The following TEX13D variants were observed in gnomAD, a reference collection of about 807,000 sequenced individuals.
TEX13D encodes testis-expressed protein 13D.
For synonymous variants in TEX13D, 115 were observed against 104.5 expected (o/e 1.10, Z -0.61); for missense variants, 261 against 265.8 (o/e 0.98, Z 0.12).
rs2075357047 is a variant in TEX13D, at chrX:124,334,026, G to C, written c.1109G>C (p.Arg370Thr). 1.1e-6 allele frequency: 1 copy of C among 933,812 alleles called. No individual in the cohort carries two copies. The highest frequency in any genetic ancestry group is 1.3e-6 in the Non-Finnish European group (1 of 754,718). The allele number at this position is 933,812 out of a possible 1,213,427, so 77.0% of individuals were successfully genotyped here. Residue 370 changes from arginine (R) to threonine (T), a missense_variant, in exon 1 of 1, where the codon AGA becomes ACA. Arg to Thr is a moderately conservative substitution (Grantham distance 71). Coordinates refer to ENST00000632372, the MANE Select transcript of TEX13D (RefSeq NM_001355534.2). ...QGMDPLGNRE[R>T]QNQKEGPKRA... ...ATGGATCCCCTGGGGAACAGAGAGA[G>C]ACAAAATCAGAAAGAAGGTCCAAAG...
In TEX13D at chrX:124,334,986, A is replaced by G. The variant is rs1253128201; in HGVS notation, c.2069A>G (p.Asn690Ser). 1.2e-5 allele frequency: 11 copies of G among 938,535 alleles called. No individual in the cohort carries two copies. Among genetic ancestry groups the G allele is most frequent in the Non-Finnish European group, 1.3e-5 (10 of 756,337 alleles). The allele number at this position is 938,535 out of a possible 1,213,427, so 77.3% of individuals were successfully genotyped here. ...AAATGCCCATGGTGTAAAGCCATTA[A>G]TTTTTCATGGCGTACGGCCTGCTAT... ...NWKCPWCKAI[N>S]FSWRTACYKC... Residue 690 changes from asparagine to serine, a missense_variant, in exon 1 of 1, where the codon AAT becomes AGT. By Grantham distance (46) the Asn-to-Ser change is conservative. Transcript: ENST00000632372.
Position 124,332,871 on chromosome X carries a change from T to C in TEX13D, c.-47T>C, listed in dbSNP as rs904094371. ...CGGTACCGGAAGTGGCGGCAGCAGC[T>C]GAGGCGACGCACCGTGAGGCAGCTG... On this transcript the variant is annotated 5_prime_UTR_variant, in exon 1 of 1. Transcript: ENST00000632372. 3 of 343,800 alleles carry C rather than the reference T, an allele frequency of 8.7e-6. No individual in the cohort carries two copies. Among genetic ancestry groups the C allele is most frequent in the South Asian group, 7.6e-5 (1 of 13,221 alleles). 28.3% of individuals were successfully genotyped at this position (343,800 alleles called of 1,213,427 possible).
rs1395359505 is a variant in TEX13D at position 124,333,633 on chromosome X, C to G, written c.716C>G (p.Ser239Cys). 3 of 295,980 alleles carry G rather than the reference C, an allele frequency of 1.0e-5. No individual in the cohort carries two copies. The highest frequency in any genetic ancestry group is 1.8e-5 in the Non-Finnish European group (3 of 170,413). 24.4% of individuals were successfully genotyped at this position (295,980 alleles called of 1,213,427 possible). A position where few individuals can be genotyped will look rare whatever the true frequency, so the allele number is the denominator to read the frequency against. The part of the protein sequence containing the change: ...HPPPFPMKFP[S>C]LPPLPPAVVT... Reference sequence around the variant, plus strand: ...CCACCATTCCCAATGAAATTCCCATCCTTGCCACCTCTACCACCTGCTGTA... The same window carrying G: ...CCACCATTCCCAATGAAATTCCCATGCTTGCCACCTCTACCACCTGCTGTA... Residue 239 changes from serine (S) to cysteine (C), a missense_variant, in exon 1 of 1, where the codon TCC becomes TGC. Transcript: ENST00000632372.
Position 124,335,191 on chromosome X carries a change from T to G in TEX13D, c.*129T>G. 1 of 469,782 alleles carries G rather than the reference T, an allele frequency of 2.1e-6. No individual in the cohort carries two copies. The highest frequency in any genetic ancestry group is 1.3e-4 in the South Asian group (1 of 7,474). The allele number at this position is 469,782 out of a possible 1,213,427, so 38.7% of individuals were successfully genotyped here. On this transcript the variant is annotated 3_prime_UTR_variant, in exon 1 of 1. Coordinates refer to ENST00000632372, the MANE Select transcript of TEX13D (RefSeq NM_001355534.2). ...ACCCCAAATTATGGAGAAAATTAAATAAAATAATTTATTATCCCATTACCC... is the reference window on the plus strand; with the variant it reads ...ACCCCAAATTATGGAGAAAATTAAAGAAAATAATTTATTATCCCATTACCC...
In TEX13D at chrX:124,332,756, G is replaced by GAAGGAGGCC. The variant is rs2059963702; in HGVS notation, c.-154_-146dup. ...TTGTGAGAACCAGGGAGTGAGGGAG[G>GAAGGAGGCC]AAGGAGGCCAAGGAGGAGGCCAGGA... On this transcript the variant is annotated 5_prime_UTR_variant, in exon 1 of 1. Transcript: ENST00000632372. 1 of 291,365 alleles carries GAAGGAGGCC rather than the reference G, an allele frequency of 3.4e-6. No homozygotes were observed. The highest frequency in any genetic ancestry group is 4.9e-5 in the East Asian group (1 of 20,385). The allele number at this position is 291,365 out of a possible 1,213,427, so 24.0% of individuals were successfully genotyped here.
Position 124,336,681 on chromosome X carries a change from A to T in TEX13D, c.*1619A>T, listed in dbSNP as rs1018918769. 21 of 111,736 alleles carry T rather than the reference A, an allele frequency of 1.9e-4. No homozygotes were observed. The highest frequency in any genetic ancestry group is 1.9e-5 in the Non-Finnish European group (1 of 53,103). 9.2% of individuals were successfully genotyped at this position (111,736 alleles called of 1,213,427 possible). On this transcript the variant is annotated 3_prime_UTR_variant, in exon 1 of 1. Coordinates refer to ENST00000632372, the MANE Select transcript of TEX13D (RefSeq NM_001355534.2). The stretch of plus-strand genomic sequence containing the variant: ...TGGCGTGTTCTCTGCAGGCTCCCCC[A>T]AGGCAGCTGCTGCAAGGCAAGGAGG...
rs1270632526 is a variant in TEX13D, at chrX:124,332,692, G to C, written c.-226G>C. On this transcript the variant is annotated 5_prime_UTR_variant, in exon 1 of 1. Coordinates refer to ENST00000632372, the MANE Select transcript of TEX13D (RefSeq NM_001355534.2). ...CTCTGTGACATGTCGCGGAGTCGCC[G>C]GTAGGGTTCGGTGTGGCGAGGGGGA... 4 of 255,669 alleles carry C rather than the reference G, an allele frequency of 1.6e-5. No homozygotes were observed. Among genetic ancestry groups the C allele is most frequent in the Non-Finnish European group, 2.8e-5 (4 of 144,733 alleles). 21.1% of individuals were successfully genotyped at this position (255,669 alleles called of 1,213,427 possible).
At position 124,333,034 on chromosome X, in the gene TEX13D, C is replaced by T. The variant is rs2059964749; in HGVS notation, c.117C>T (p.Arg39=). 8.2e-6 allele frequency: 4 copies of T among 487,864 alleles called. No homozygotes were observed. In the South Asian group the frequency reaches 8.4e-5, roughly 10 times the overall value. The allele number at this position is 487,864 out of a possible 1,213,427, so 40.2% of individuals were successfully genotyped here. ...GCCCAGCCTTTTACGTGGCCTTCCG[C>T]TCGCGGCCGTGGAACGAGGTAGAGG... The part of the protein sequence containing the change: ...GSGPAFYVAF[R]SRPWNEVEDS... The change falls in exon 1 of 1, where the codon CGC becomes CGT. Residue 39 remains arginine (R), a synonymous_variant. Coordinates refer to ENST00000632372, the MANE Select transcript of TEX13D (RefSeq NM_001355534.2).
rs1603235398 is a variant in TEX13D, at chrX:124,332,931, T to C, written c.14T>C (p.Phe5Ser). ...GCCACAGCCGCCATGGCGATGAATT[T>C]TGGGGACCATGCCAGCGGCTTCCGC... MAMN[F>S]GDHASGFRHN... Residue 5 changes from phenylalanine (F) to serine (S), a missense_variant, in exon 1 of 1, where the codon TTT becomes TCT. Phe to Ser is a radical substitution (Grantham distance 155). Transcript: ENST00000632372. 2.8e-6 allele frequency: 1 copy of C among 353,073 alleles called. No individual in the cohort carries two copies. The allele number at this position is 353,073 out of a possible 1,213,427, so 29.1% of individuals were successfully genotyped here. A position where few individuals can be genotyped will look rare whatever the true frequency, so the allele number is the denominator to read the frequency against.
At position 124,335,964 on chromosome X, in the gene TEX13D, C is replaced by T. The variant is rs1453166887; in HGVS notation, c.*902C>T. The T allele has an allele frequency of 2.7e-5, 3 of 111,923 alleles. No homozygotes were observed. Among genetic ancestry groups the T allele is most frequent in the East Asian group, 2.8e-4 (1 of 3,594 alleles). 9.2% of individuals were successfully genotyped at this position (111,923 alleles called of 1,213,427 possible). A position where few individuals can be genotyped will look rare whatever the true frequency, so the allele number is the denominator to read the frequency against. ...AGATGGTAGCAACTTTGATGAATTT[C>T]GTTTAGTTTGTTAAATAGTTATTGT... On this transcript the variant is annotated 3_prime_UTR_variant, in exon 1 of 1. Transcript: ENST00000632372.
chrX:124,335,333 T>C lies in TEX13D; in HGVS notation c.*271T>C, dbSNP rs1247098111. ...ATGGACTACTTTTGATTTCTCCTGA[T>C]TGCATTTAAATTTTGCAGGTGGTGG... On this transcript the variant is annotated 3_prime_UTR_variant, in exon 1 of 1. Transcript: ENST00000632372. The C allele has an allele frequency of 3.6e-5, 6 of 166,624 alleles. No homozygotes were observed. The highest frequency in any genetic ancestry group is 5.6e-5 in the Non-Finnish European group (5 of 89,500). The allele number at this position is 166,624 out of a possible 1,213,427, so 13.7% of individuals were successfully genotyped here. A position where few individuals can be genotyped will look rare whatever the true frequency, so the allele number is the denominator to read the frequency against.
chrX:124,332,992 C>A lies in TEX13D; in HGVS notation c.75C>A (p.Val25=), dbSNP rs1484174573. The A allele has an allele frequency of 2.2e-6, 1 of 463,895 alleles. No individual in the cohort carries two copies. Among genetic ancestry groups the A allele is most frequent in the South Asian group, 3.1e-5 (1 of 31,817 alleles). 38.2% of individuals were successfully genotyped at this position (463,895 alleles called of 1,213,427 possible). ...TGATCAGGTTCATTAACAATGAAGT[C>A]CTCATGGACGGCAGCGGCCCAGCCT... ...NDVIRFINNE[V]LMDGSGPAFY... Residue 25 remains valine, a synonymous_variant, in exon 1 of 1, where the codon GTC becomes GTA. Transcript: ENST00000632372.
Position 124,332,863 on chromosome X carries a change from G to A in TEX13D, c.-55G>A. On this transcript the variant is annotated 5_prime_UTR_variant, in exon 1 of 1. Coordinates refer to ENST00000632372, the MANE Select transcript of TEX13D (RefSeq NM_001355534.2). ...GCAGCAGCCGGTACCGGAAGTGGCG[G>A]CAGCAGCTGAGGCGACGCACCGTGA... is the stretch of plus-strand genomic sequence containing the variant. 2.9e-6 allele frequency: 1 copy of A among 343,531 alleles called. No homozygotes were observed. Among genetic ancestry groups the A allele is most frequent in the South Asian group, 7.7e-5 (1 of 13,006 alleles). 28.3% of individuals were successfully genotyped at this position (343,531 alleles called of 1,213,427 possible).
In TEX13D at chrX:124,335,321, G is replaced by A. The variant is rs1261373134; in HGVS notation, c.*259G>A. 11 of 177,727 alleles carry A rather than the reference G, an allele frequency of 6.2e-5. No individual in the cohort carries two copies. The highest frequency in any genetic ancestry group is 3.9e-3 in the Middle Eastern group (2 of 510). The allele number at this position is 177,727 out of a possible 1,213,427, so 14.6% of individuals were successfully genotyped here. On this transcript the variant is annotated 3_prime_UTR_variant, in exon 1 of 1. Coordinates refer to ENST00000632372, the MANE Select transcript of TEX13D (RefSeq NM_001355534.2). ...ACTTGAACAGAGATGGACTACTTTTGATTTCTCCTGATTGCATTTAAATTT... is the reference window on the plus strand; with the variant it reads ...ACTTGAACAGAGATGGACTACTTTTAATTTCTCCTGATTGCATTTAAATTT...
Position 124,336,687 on chromosome X carries a change from G to C in TEX13D, c.*1625G>C, listed in dbSNP as rs990196057. ...GTTCTCTGCAGGCTCCCCCAAGGCA[G>C]CTGCTGCAAGGCAAGGAGGGATCCA... On this transcript the variant is annotated 3_prime_UTR_variant, in exon 1 of 1. Coordinates refer to ENST00000632372, the MANE Select transcript of TEX13D (RefSeq NM_001355534.2). 7 of 111,930 alleles carry C rather than the reference G, an allele frequency of 6.3e-5. No homozygotes were observed. The highest frequency in any genetic ancestry group is 2.0e-4 in the African/African-American group (6 of 30,704). 9.2% of individuals were successfully genotyped at this position (111,930 alleles called of 1,213,427 possible). A position where few individuals can be genotyped will look rare whatever the true frequency, so the allele number is the denominator to read the frequency against.
chrX:124,335,789 A>G lies in TEX13D; in HGVS notation c.*727A>G, dbSNP rs1018476753. 15 of 112,165 alleles carry G rather than the reference A, an allele frequency of 1.3e-4. No individual in the cohort carries two copies. Among genetic ancestry groups the G allele is most frequent in the African/African-American group, 4.9e-4 (15 of 30,822 alleles). 9.2% of individuals were successfully genotyped at this position (112,165 alleles called of 1,213,427 possible). A position where few individuals can be genotyped will look rare whatever the true frequency, so the allele number is the denominator to read the frequency against. ...TGACTGCAGACTTACTGGCTGCAGC[A>G]GAGAGGAGTAAGAGGAAGTCAGAGA... On this transcript the variant is annotated 3_prime_UTR_variant, in exon 1 of 1. Transcript: ENST00000632372.
In TEX13D at chrX:124,333,619, A is replaced by G. The variant is rs987864004; in HGVS notation, c.702A>G (p.Pro234=). Residue 234 remains proline (P), a synonymous_variant, in exon 1 of 1, where the codon CCA becomes CCG. Transcript: ENST00000632372. Reference sequence around the variant, plus strand: ...CATTCCCACACCCACCACCATTCCCAATGAAATTCCCATCCTTGCCACCTC... The same window carrying G: ...CATTCCCACACCCACCACCATTCCCGATGAAATTCCCATCCTTGCCACCTC... ...PHPFPHPPPF[P]MKFPSLPPLP... 11 of 295,249 alleles carry G rather than the reference A, an allele frequency of 3.7e-5. No individual in the cohort carries two copies. Among genetic ancestry groups the G allele is most frequent in the African/African-American group, 1.9e-4 (7 of 36,042 alleles). The allele number at this position is 295,249 out of a possible 1,213,427, so 24.3% of individuals were successfully genotyped here. A position where few individuals can be genotyped will look rare whatever the true frequency, so the allele number is the denominator to read the frequency against.
Position 124,334,854 on chromosome X carries a change from A to G in TEX13D, c.1937A>G (p.Lys646Arg). The change falls in exon 1 of 1, where the codon AAG becomes AGG. Residue 646 changes from lysine to arginine, a missense_variant. Transcript: ENST00000632372. The stretch of plus-strand genomic sequence containing the variant: ...AGCCATGGTGTCAGAGAAAGCCCAA[A>G]GAAATGGCAACCTCAGAGGCAGAAG... ...SRSHGVRESP[K>R]KWQPQRQKAK... 1.1e-6 allele frequency: 1 copy of G among 939,266 alleles called. No homozygotes were observed. The highest frequency in any genetic ancestry group is 4.1e-5 in the East Asian group (1 of 24,128). The allele number at this position is 939,266 out of a possible 1,213,427, so 77.4% of individuals were successfully genotyped here. A position where few individuals can be genotyped will look rare whatever the true frequency, so the allele number is the denominator to read the frequency against.
rs1050213488 is a variant in TEX13D at position 124,334,082 on chromosome X, C to T, written c.1165C>T (p.Arg389Cys). ...CCGGAGGATGCACACCCTGGTGTTT[C>T]GCAGGAGCCACAAATCAGAAGGTCC... is the stretch of plus-strand genomic sequence containing the variant. The part of the protein sequence containing the change: ...RARRMHTLVF[R>C]RSHKSEGPEG... The change falls in exon 1 of 1, where the codon CGC (arginine) becomes TGC (cysteine). Residue 389 changes from arginine (R) to cysteine (C), a missense_variant. Arg to Cys is a radical substitution (Grantham distance 180). Transcript: ENST00000632372. 79 of 929,996 alleles carry T rather than the reference C, an allele frequency of 8.5e-5. No homozygotes were observed. The highest frequency in any genetic ancestry group is 9.6e-5 in the Non-Finnish European group (72 of 753,124). 76.6% of individuals were successfully genotyped at this position (929,996 alleles called of 1,213,427 possible). A position where few individuals can be genotyped will look rare whatever the true frequency, so the allele number is the denominator to read the frequency against.
Sources: gnomAD v4.1 joint callset for allele counts on GRCh38, gnomAD v4.1.1 for gene constraint, MANE v1.5 for transcripts, NCBI Gene and HGNC (gene_info 2026-07-23, HGNC 2026-07-21) for gene names.